Variants in BAZ2A observed in about 807,000 individuals in gnomAD.
BAZ2A encodes the protein bromodomain adjacent to zinc finger domain 2A.
In BAZ2A, 34 loss-of-function variants were observed where a neutral mutation model predicts 199.9. The ratio of observed to expected loss-of-function variants is 0.17; its 90% CI spans 0.13 to 0.23. The LOEUF (loss-of-function observed/expected upper bound fraction) is 0.23, where lower values mean the gene tolerates loss of function less well. Ranked by LOEUF, BAZ2A falls within the 10% of genes least tolerant of loss-of-function variation. The probability of loss-of-function intolerance (pLI) is 1.00; values close to 1 mark genes in which losing one functional copy is unlikely to be tolerated. For synonymous variants in BAZ2A, 857 were observed against 883.9 expected (o/e 0.97, Z 0.54); for missense variants, 2,002 against 2,391.1 (o/e 0.84, Z 3.39).
intron 2 of BAZ2A, among the ~76,000 whole-genome samples, chr12:56,616,930 T>C (rs1950741968): frequency 6.6e-6 from 1 of 152,190 alleles, no homozygotes; most frequent in African/African-American, 2.4e-5. Context: ...CATTAAACTT[T>C]CCCTTGTCCC....
rs1565800870 is a variant in BAZ2A at position 56,597,635 on chromosome 12, C to CACACACACACACA, written c.*982_*983insTGTGTGTGTGTGT. The CACACACACACACA allele has an allele frequency of 5.2e-5, 5 of 96,252 alleles. No individual in the cohort carries two copies. Among genetic ancestry groups the CACACACACACACA allele is most frequent in the African/African-American group, 2.7e-4 (5 of 18,316 alleles). 6.0% of individuals were successfully genotyped at this position (96,252 alleles called of 1,614,324 possible). A position where few individuals can be genotyped will look rare whatever the true frequency, so the allele number is the denominator to read the frequency against. On this transcript the variant is annotated 3_prime_UTR_variant, in exon 29 of 29. Transcript: ENST00000549884. ...CACACACACACAGCGCGCTCTGAGG[C>CACACACACACACA]CGACACACACACACACACACACACA...
chr12:56,600,874 T>C, intron 22 of BAZ2A, 42 bp from the exon 23 acceptor site: 1 of 1,611,690 alleles, frequency 6.2e-7, no homozygotes, highest in Non-Finnish European at 8.5e-7. Flanking sequence ...ATCAGGCTGT[T>C]GTCCCTAGCA....
rs770661189 is a variant in BAZ2A, at chr12:56,602,757, G to A, written c.3380C>T (p.Pro1127Leu). The change falls in exon 19 of 29, where the codon CCG becomes CTG. Residue 1127 changes from proline to leucine, a missense_variant. This residue lies in a region of BAZ2A where 1,081 missense variants were observed against 1,274.7 expected (regional missense o/e 0.85). Coordinates refer to ENST00000549884, the MANE Select transcript of BAZ2A (RefSeq NM_001300905.2). ...TTCTACAAAGATACCAGCCAAATAC[G>A]GCAATACCCAGTAGCGACGTCTGTA... ...DRYRRRYWVL[P>L]YLAGIFVEGT... 13 of 1,613,774 alleles carry A rather than the reference G, an allele frequency of 8.1e-6. No homozygotes were observed. Among genetic ancestry groups the A allele is most frequent in the Admixed American group, 1.7e-5 (1 of 59,998 alleles).
intron 1 of BAZ2A, among the ~76,000 whole-genome samples, chr12:56,629,554 A>G (rs149050738): frequency 5.3e-4 from 81 of 152,262 alleles, no homozygotes; most frequent in Middle Eastern, 3.4e-3. Context: ...CCCCAAGCCA[A>G]GCGCAGCACC....
intron 14 of BAZ2A, 124 bp from the exon 15 acceptor site, chr12:56,604,923 C>T (rs971070873): frequency 7.4e-7 from 1 of 1,351,310 alleles, no homozygotes. Flanking sequence ...CGAAAGAAGA[C>T]CACAAAAGAA....
upstream of BAZ2A, chr12:56,630,958 G>A: frequency 1.3e-6 from 1 of 750,212 alleles, no homozygotes; most frequent in South Asian, 6.0e-5. Context: ...AGGATAAGCT[G>A]AAAACTAATC....
chr12:56,603,974 T>C (rs918419177), intron 16 of BAZ2A, among the ~76,000 whole-genome samples: 2 of 151,708 alleles, frequency 1.3e-5, no homozygotes, highest in African/African-American at 4.9e-5. Flanking sequence ...GATTGCGCTA[T>C]CGCATTCCAG....
At position 56,611,744 on chromosome 12, in the gene BAZ2A, C is replaced by T. The variant is rs754458930; in HGVS notation, c.1609+29G>A. 6.6e-6 allele frequency: 10 copies of T among 1,518,940 alleles called. No homozygotes were observed. The South Asian group carries it at 1.3e-4, about 20-fold the overall frequency. The allele number at this position is 1,518,940 out of a possible 1,614,324, so 94.1% of individuals were successfully genotyped here. A position where few individuals can be genotyped will look rare whatever the true frequency, so the allele number is the denominator to read the frequency against. On this transcript the variant is annotated intron_variant, in intron 6 of 28. Transcript: ENST00000549884. ...GACAGAAAAGTTTCTTGGAACCAGA[C>T]AGGGATAGAATAGAATCTGGATACT...
chr12:56,614,897 C>T (rs1415742350), intron 3 of BAZ2A, 117 bp downstream of exon 3: 1 of 1,091,420 alleles, frequency 9.2e-7, no homozygotes, highest in South Asian at 1.5e-5. Context: ...CACCAACATG[C>T]AAATCAGCCT....
rs577139256 is a variant in BAZ2A, at chr12:56,608,170, A to G, written c.2093-1437T>C. Among the ~76,000 whole-genome samples the G allele has an allele frequency of 8.5e-5, 13 of 152,076 alleles. No homozygotes were observed. The South Asian group carries it at 2.5e-3, about 29-fold the overall frequency. ...GGCGGATCACGAGGTCAGGAGATCG[A>G]GACCATCCTGGCTAACATGGTGAAA... On this transcript the variant is annotated intron_variant, in intron 10 of 28. Transcript: ENST00000549884.
chr12:56,610,591 C>A, intron 7 of BAZ2A, 74 bp from the exon 8 acceptor site: 1 of 1,373,008 alleles, frequency 7.3e-7, no homozygotes, highest in Non-Finnish European at 1.0e-6. Flanking sequence ...AGCGCGAAGC[C>A]CTCTGAGCAG....
chr12:56,599,413 T>A, intron 26 of BAZ2A, 55 bp from the exon 27 acceptor site: 1 of 1,541,276 alleles, frequency 6.5e-7, no homozygotes, highest in Non-Finnish European at 8.8e-7. Flanking sequence ...CTGCTTGCCC[T>A]ACTACAATCT....
chr12:56,616,778 T>C (rs946775733), intron 2 of BAZ2A, among the ~76,000 whole-genome samples: 1 of 152,058 alleles, frequency 6.6e-6, no homozygotes, highest in Non-Finnish European at 1.5e-5. Flanking sequence ...TATAAAGGAC[T>C]TGAAACCCAA....
Position 56,599,989 on chromosome 12 carries a change from G to T in BAZ2A, c.5000C>A (p.Ala1667Asp). The T allele has an allele frequency of 6.2e-7, 1 of 1,614,012 alleles. No homozygotes were observed. The highest frequency in any genetic ancestry group is 8.5e-7 in the Non-Finnish European group (1 of 1,179,894). The part of the protein sequence containing the change: ...LCLGQLERSI[A>D]WEKSVNKVTC... The stretch of plus-strand genomic sequence containing the variant: ...CACTTTGTTGACAGACTTCTCCCAG[G>T]CAATGGACCTCTCCAGCTGGCCCAG... The change falls in exon 25 of 29, where the codon GCC (alanine) becomes GAC (aspartate). Residue 1667 changes from alanine to aspartate, a missense_variant. Ala to Asp is a moderately radical substitution (Grantham distance 126). Around this residue, in one of 6 missense-constraint regions of BAZ2A, gnomAD observed 1,081 missense variants for 1,274.7 expected, o/e 0.85. Transcript: ENST00000549884.
chr12:56,631,674 C>T (rs1297622635), upstream of BAZ2A, among the ~76,000 whole-genome samples: 1 of 152,142 alleles, frequency 6.6e-6, no homozygotes, highest in African/African-American at 2.4e-5. Context: ...GTTGCCTAAA[C>T]TGTGCAAAGC....
exon 1 of BAZ2A, chr12:56,636,366 C>G: frequency 1.6e-6 from 2 of 1,278,930 alleles, no homozygotes; most frequent in Non-Finnish European, 1.0e-6. Context: ...GGTGATGTCC[C>G]TGTGTGACAG....
chr12:56,602,934 G>C, intron 18 of BAZ2A, 77 bp from the exon 19 acceptor site: 2 of 1,448,378 alleles, frequency 1.4e-6, no homozygotes, highest in Non-Finnish European at 1.9e-6. Context: ...GTATATCAGA[G>C]AAAGGCAATG....
intron 10 of BAZ2A, among the ~76,000 whole-genome samples, chr12:56,607,537 AATTTTTAGT>A (rs1950404153): frequency 6.6e-6 from 1 of 152,036 alleles, no homozygotes; most frequent in Admixed American, 6.6e-5. Context: ...ACGCCCAGTT[AATTTTTAGT>A]ATTTTTAGTA....
Position 56,607,395 on chromosome 12 carries a change from G to A in BAZ2A, c.2093-662C>T, listed in dbSNP as rs563471381. On this transcript the variant is annotated intron_variant, in intron 10 of 28. Transcript: ENST00000549884. ...TATACATATATATATTTTTTGACAC[G>A]GAGTCTCACTCTGTCGCCCAGGCTG... 3.9e-5 allele frequency among the ~76,000 whole-genome samples: 6 copies of A among 152,050 alleles called. No homozygotes were observed. In the East Asian group the frequency reaches 5.8e-4, roughly 15 times the overall value.
Sources: allele counts gnomAD v4.1 joint callset (sites outside exome capture counted in the v4.1 genomes callset), GRCh38; gene constraint gnomAD v4.1.1; regional missense constraint gnomAD v4.1.1; transcripts MANE v1.5; gene names NCBI Gene and HGNC (gene_info 2026-07-23, HGNC 2026-07-21).